Variants in STIM1 observed in about 807,000 individuals in gnomAD.
The protein encoded by STIM1 is stromal interaction molecule 1.
Under a neutral mutation model 74.7 loss-of-function variants are expected in STIM1, and 25 were observed. That is an observed-to-expected ratio of 0.33 (90% confidence interval 0.24 to 0.47). The LOEUF (loss-of-function observed/expected upper bound fraction) is 0.47. Among genes scored for constraint, STIM1 ranks in the 20% least tolerant of loss-of-function variants. The pLI, the probability that STIM1 is intolerant of heterozygous loss-of-function variation, is 1.00. For synonymous variants in STIM1, 328 were observed against 348.8 expected (o/e 0.94, Z 0.66); for missense variants, 728 against 920.8 (o/e 0.79, Z 2.71).
chr11:4,016,932 C>T (rs903219747), intron 2 of STIM1, among the ~76,000 whole-genome samples: 8 of 152,202 alleles, frequency 5.3e-5, no homozygotes, highest in South Asian at 2.1e-4. Flanking sequence ...GGGAAAAGTG[C>T]GGTATTTGGG....
chr11:3,981,612 C>T (rs73429609), intron 2 of STIM1, among the ~76,000 whole-genome samples: 2,807 of 152,206 alleles, frequency 0.018, 87 homozygotes, highest in African/African-American at 0.065. Flanking sequence ...CTTGTGAGTT[C>T]CCTGTCAGGA....
chr11:3,949,295 T>C (rs1227832994), intron 1 of STIM1, among the ~76,000 whole-genome samples: 5 of 152,184 alleles, frequency 3.3e-5, no homozygotes, highest in African/African-American at 1.2e-4. Context: ...GAACATCATG[T>C]ACAAAGCCAC....
intron 1 of STIM1, among the ~76,000 whole-genome samples, chr11:3,924,198 CTTTTCTTTTTTTTTT>C (rs1565117059): frequency 7.3e-6 from 1 of 137,134 alleles, no homozygotes; most frequent in Non-Finnish European, 1.6e-5. Flanking sequence ...CTTTTTTTTT[CTTTTCTTTTTTTTTT>C]TTTGAGATGG....
chr11:4,006,349 G>A (rs1171835508), intron 2 of STIM1, among the ~76,000 whole-genome samples: 2 of 152,126 alleles, frequency 1.3e-5, no homozygotes, highest in South Asian at 4.1e-4. Context: ...TACAGCCTGC[G>A]GAATGGTGAG....
At chr11:3,936,848 A>G (rs2092937946) in intron 1 of STIM1, among the ~76,000 whole-genome samples, 1 of 152,196 alleles carries the variant, frequency 6.6e-6, no homozygotes. Flanking sequence ...TTTGGCAGAG[A>G]AAACCAACTT....
intron 1 of STIM1, among the ~76,000 whole-genome samples, chr11:3,953,780 C>CTA: frequency 7.6e-6 from 1 of 131,090 alleles, no homozygotes; most frequent in Non-Finnish European, 1.6e-5. Context: ...TGATCTTCTT[C>CTA]TTTCTTTTTT....
chr11:3,867,683 T>C (rs1486629141), intron 1 of STIM1, among the ~76,000 whole-genome samples: 1 of 152,222 alleles, frequency 6.6e-6, no homozygotes, highest in Non-Finnish European at 1.5e-5. Flanking sequence ...GAGGGGCCTC[T>C]TGGGAGATGT....
intron 2 of STIM1, among the ~76,000 whole-genome samples, chr11:4,023,132 A>T (rs977409222): frequency 6.6e-6 from 1 of 152,150 alleles, no homozygotes; most frequent in Non-Finnish European, 1.5e-5. Flanking sequence ...AGAGTTTGAG[A>T]CCAGCCTGGG....
At chr11:3,986,169 A>G (rs1031250870) in intron 2 of STIM1, among the ~76,000 whole-genome samples, 1 of 152,222 alleles carries the variant, frequency 6.6e-6, no homozygotes, top group African/African-American at 2.4e-5. Context: ...AAAAAAAAAT[A>G]CATATTCAAT....
rs186507923 is a variant in STIM1, at chr11:3,983,898, C to T, written c.270+16216C>T. On this transcript the variant is annotated intron_variant, in intron 2 of 12. Coordinates refer to ENST00000526596, the MANE Select transcript of STIM1 (RefSeq NM_001382567.1). ...CTTTTTTTTTTTTAGATGGAGTTTC[C>T]TCTTGTTGCTCAGGCTGGAGTACAG... Among the ~76,000 whole-genome samples the T allele has an allele frequency of 4.3e-3, 650 of 151,042 alleles. 2 individuals carry two copies. The highest frequency in any genetic ancestry group is 0.015 in the African/African-American group (620 of 41,140).
intron 4 of STIM1, chr11:4,058,781 A>G: frequency 1.0e-6 from 1 of 985,258 alleles, no homozygotes; most frequent in Middle Eastern, 5.2e-4. Context: ...GTTAATTAAA[A>G]TTTTTTTTCC....
intron 1 of STIM1, among the ~76,000 whole-genome samples, chr11:3,895,899 T>TTTCTTTC (rs892504943): frequency 6.8e-6 from 1 of 146,882 alleles, no homozygotes; most frequent in African/African-American, 2.6e-5. Context: ...TCTTTCTTTC[T>TTTCTTTC]TTCTTTCTTC....
intron 1 of STIM1, among the ~76,000 whole-genome samples, chr11:3,884,538 C>A (rs2091634748): frequency 6.6e-6 from 1 of 152,194 alleles, no homozygotes; most frequent in African/African-American, 2.4e-5. Flanking sequence ...CCAAGTGGTT[C>A]TCCATGTACA....
At chr11:4,047,973 C>A (rs2094207302) in intron 3 of STIM1, among the ~76,000 whole-genome samples, 2 of 152,096 alleles carry the variant, frequency 1.3e-5, no homozygotes, top group South Asian at 4.2e-4. Context: ...TGCGTGCCAC[C>A]ACGCCCCGCT....
chr11:3,966,299 C>G (rs2135731714), intron 1 of STIM1, among the ~76,000 whole-genome samples: 1 of 152,294 alleles, frequency 6.6e-6, no homozygotes, highest in Non-Finnish European at 1.5e-5. Flanking sequence ...ATCTGGAACA[C>G]TTTAAAATTT....
At position 4,082,777 on chromosome 11, in the gene STIM1, C is replaced by A. The variant is rs16929438; in HGVS notation, c.1138-105C>A. ...TCTCTTCCCTTTCCTTGTACAGCCT[C>A]AGTTGTGCTAGGAGGAGTGGGCCCC... On this transcript the variant is annotated intron_variant, in intron 8 of 12. Coordinates refer to ENST00000526596, the MANE Select transcript of STIM1 (RefSeq NM_001382567.1). 41,233 of 875,262 alleles carry A rather than the reference C, an allele frequency of 0.047. 1,831 individuals are homozygous for A. Among genetic ancestry groups the A allele is most frequent in the East Asian group, 0.16 (6,525 of 39,836 alleles). 54.2% of individuals were successfully genotyped at this position (875,262 alleles called of 1,614,324 possible).
At chr11:3,973,980 C>T in intron 2 of STIM1, 1 of 660,586 alleles carries the variant, frequency 1.5e-6, no homozygotes, top group Non-Finnish European at 2.7e-6. Flanking sequence ...TGAGAATCTT[C>T]TCTTGATACA....
At chr11:4,015,008 A>G (rs988671406) in intron 2 of STIM1, among the ~76,000 whole-genome samples, 2 of 152,082 alleles carry the variant, frequency 1.3e-5, no homozygotes, top group Non-Finnish European at 2.9e-5. Flanking sequence ...TATCCAATTT[A>G]CCACTCTGTG....
chr11:4,012,428 G>A (rs2093847120), intron 2 of STIM1, among the ~76,000 whole-genome samples: 1 of 152,144 alleles, frequency 6.6e-6, no homozygotes, highest in African/African-American at 2.4e-5. Context: ...TCTCCTTGAA[G>A]AGGTCCTTCA....
Sources: allele counts gnomAD v4.1 joint callset (sites outside exome capture counted in the v4.1 genomes callset), GRCh38; gene constraint gnomAD v4.1.1; transcripts MANE v1.5; gene names NCBI Gene and HGNC (gene_info 2026-07-23, HGNC 2026-07-21).